The following PDE8B variants were observed in gnomAD, a reference collection of about 807,000 sequenced individuals.
PDE8B encodes high affinity cAMP-specific and IBMX-insensitive 3',5'-cyclic phosphodiesterase 8B.
A neutral mutation model predicts 101.3 loss-of-function variants in PDE8B; 26 were observed. The observed-to-expected ratio is 0.26, with a 90% CI of 0.19 to 0.36. The LOEUF (loss-of-function observed/expected upper bound fraction) is 0.36, where lower values mean the gene tolerates loss of function less well. Ranked by LOEUF, PDE8B falls within the 10% of genes least tolerant of loss-of-function variation. The pLI is 1.00. For missense variants in PDE8B, 810 were observed against 1,163.1 expected (o/e 0.70, Z 4.42); for synonymous variants, 424 against 429.3 (o/e 0.99, Z 0.15).
chr5:77,421,004 C>T (rs1796527263), intron 19 of PDE8B, among the ~76,000 whole-genome samples: 1 of 152,216 alleles, frequency 6.6e-6, no homozygotes, highest in Non-Finnish European at 1.5e-5. Flanking sequence ...TGTTTTTACA[C>T]AATCAATTTG....
intron 10 of PDE8B, among the ~76,000 whole-genome samples, chr5:77,361,466 CA>C (rs568428473): frequency 4.0e-5 from 6 of 151,740 alleles, no homozygotes; most frequent in South Asian, 4.2e-4. Context: ...ACATCACTGA[CA>C]AATGAGTGAA....
chr5:77,163,285 T>A, the PDE8B span, among the ~76,000 whole-genome samples: 1 of 152,214 alleles, frequency 6.6e-6, no homozygotes, highest in South Asian at 2.1e-4. Flanking sequence ...AATGTCTCCC[T>A]CCACATTTCT....
At chr5:77,287,655 G>T (rs1350577183) in intron 1 of PDE8B, among the ~76,000 whole-genome samples, 1 of 151,846 alleles carries the variant, frequency 6.6e-6, no homozygotes, top group Non-Finnish European at 1.5e-5. Context: ...CCATCCTTTT[G>T]TCTCCCTGCA....
intron 10 of PDE8B, among the ~76,000 whole-genome samples, chr5:77,371,488 T>C (rs1171502580): frequency 6.6e-6 from 1 of 152,216 alleles, no homozygotes; most frequent in Non-Finnish European, 1.5e-5. Context: ...TATTGCATGC[T>C]TTCTTAATTA....
chr5:77,135,473 A>ATTT, the PDE8B span, among the ~76,000 whole-genome samples: 140 of 121,494 alleles, frequency 1.2e-3, 2 homozygotes, highest in African/African-American at 2.4e-3. Flanking sequence ...AGCCAGAGGA[A>ATTT]TTTTTTTTTT....
chr5:77,101,317 A>G, the PDE8B span, among the ~76,000 whole-genome samples: 8 of 152,148 alleles, frequency 5.3e-5, no homozygotes, highest in Non-Finnish European at 7.4e-5. Flanking sequence ...AAAGCAAACC[A>G]TTATCTGAGT....
intron 10 of PDE8B, among the ~76,000 whole-genome samples, chr5:77,370,358 T>G (rs751384384): frequency 8.5e-5 from 13 of 152,238 alleles, no homozygotes; most frequent in African/African-American, 1.4e-4. Flanking sequence ...GCTGATTTTA[T>G]CCACCATAGA....
intron 1 of PDE8B, among the ~76,000 whole-genome samples, chr5:77,252,926 T>C (rs1758360445): frequency 6.6e-6 from 1 of 152,200 alleles, no homozygotes; most frequent in Admixed American, 6.5e-5. Context: ...TTTTACGAAG[T>C]CTAATCTCTG....
chr5:77,340,643 T>TGTGTGTGTGTGTG (rs1779064614), intron 6 of PDE8B, among the ~76,000 whole-genome samples: 1 of 105,542 alleles, frequency 9.5e-6, no homozygotes, highest in South Asian at 3.4e-4. Flanking sequence ...GTGTGTGTGT[T>TGTGTGTGTGTGTG]GTTTTAGTGG....
intron 12 of PDE8B, among the ~76,000 whole-genome samples, chr5:77,405,945 AG>A (rs1218256661): frequency 6.6e-6 from 1 of 152,186 alleles, no homozygotes; most frequent in Non-Finnish European, 1.5e-5. Context: ...AGGACAAGGG[AG>A]GGACTTTCCA....
At chr5:77,218,140 T>C (rs1750213975) in intron 1 of PDE8B, among the ~76,000 whole-genome samples, 1 of 152,226 alleles carries the variant, frequency 6.6e-6, no homozygotes, top group African/African-American at 2.4e-5. Context: ...AATCCATCAA[T>C]GAAAATAAGA....
chr5:77,411,768 G>T, intron 15 of PDE8B, 47 bp downstream of exon 15: 6 of 1,388,106 alleles, frequency 4.3e-6, no homozygotes, highest in Non-Finnish European at 6.2e-6. Context: ...TCTCCAGCCT[G>T]TGCTGTCCCC....
chr5:77,410,626 G>A (rs949192414), intron 14 of PDE8B: 2 of 152,170 alleles, frequency 1.3e-5, no homozygotes, highest in African/African-American at 4.8e-5. Flanking sequence ...CGAGAGAAGA[G>A]CAAGTAAAAC....
chr5:77,198,897 G>A, the PDE8B span, among the ~76,000 whole-genome samples: 1 of 152,030 alleles, frequency 6.6e-6, no homozygotes, highest in African/African-American at 2.4e-5. Context: ...AAATAAATTT[G>A]TGAGAACTAT....
intron 1 of PDE8B, among the ~76,000 whole-genome samples, chr5:77,240,308 C>T (rs767402120): frequency 7.9e-5 from 12 of 152,190 alleles, no homozygotes; most frequent in South Asian, 4.1e-4. Flanking sequence ...CGCCCGCCAC[C>T]GCGCCCGGCT....
chr5:77,199,439 C>T, the PDE8B span, among the ~76,000 whole-genome samples: 1 of 152,188 alleles, frequency 6.6e-6, no homozygotes, highest in African/African-American at 2.4e-5. Flanking sequence ...TATCACCTAA[C>T]ATGTCACTTT....
chr5:77,421,444 T>G (rs559630261), intron 19 of PDE8B, among the ~76,000 whole-genome samples: 1 of 152,192 alleles, frequency 6.6e-6, no homozygotes, highest in African/African-American at 2.4e-5. Flanking sequence ...TTTACACATT[T>G]TTTTAAAAAA....
the PDE8B span, among the ~76,000 whole-genome samples, chr5:77,163,909 T>C: frequency 6.6e-6 from 1 of 152,232 alleles, no homozygotes; most frequent in African/African-American, 2.4e-5. Flanking sequence ...AACGTGGCCT[T>C]GTGACCCCAT....
Position 77,239,990 on chromosome 5 carries a change from T to C in PDE8B, c.339+28726T>C, listed in dbSNP as rs1436028369. Among the ~76,000 whole-genome samples, 5 of 149,284 alleles carry C rather than the reference T, an allele frequency of 3.3e-5. No homozygotes were observed. In the East Asian group the frequency reaches 9.7e-4, roughly 29 times the overall value. On this transcript the variant is annotated intron_variant, in intron 1 of 21. Coordinates refer to ENST00000264917, the MANE Select transcript of PDE8B (RefSeq NM_003719.5). ...GTCAGTCTCTCCAAGTGCATCTAAG[T>C]TTAAGTGTTTTGCTTCCTTCATCAG...
Sources: gnomAD v4.1 joint callset for allele counts (sites outside exome capture counted in the v4.1 genomes callset) on GRCh38, gnomAD v4.1.1 for gene constraint, MANE v1.5 for transcripts, NCBI Gene and HGNC (gene_info 2026-07-23, HGNC 2026-07-21) for gene names.